PCAT7: variants seen among roughly 807,000 people sequenced by gnomAD.
The protein encoded by PCAT7 is prostate cancer associated transcript 7 (non-protein coding).
intron 2 of PCAT7, among the ~76,000 whole-genome samples, chr9:94,565,732 T>C (rs1827177086): frequency 2.4e-5 from 2 of 85,026 alleles, no homozygotes; most frequent in African/African-American, 8.8e-5. Context: ...TATAGGTAGA[T>C]AGATGATAGA....
intron 2 of PCAT7, among the ~76,000 whole-genome samples, chr9:94,561,928 C>T (rs1048055561): frequency 5.3e-5 from 8 of 152,186 alleles, no homozygotes; most frequent in African/African-American, 1.9e-4. Flanking sequence ...TATTTTCTGA[C>T]TCATTTACGA....
intron 2 of PCAT7, chr9:94,563,322 A>C (rs1455647140): frequency 1.2e-6 from 2 of 1,612,412 alleles, no homozygotes; most frequent in Non-Finnish European, 1.7e-6. Flanking sequence ...ATGCACAGCC[A>C]GTGGACAAGG....
chr9:94,566,786 A>T lies in PCAT7; in HGVS notation n.442-6193A>T, dbSNP rs181301408. On this transcript the variant is annotated intron_variant and non_coding_transcript_variant, in intron 2 of 8. Transcript: ENST00000647389. ...ATTACAGATGGATTAAAGGGTTGGT[A>T]TGAAGCCTTACAAAAGCATCTGAAC... Among the ~76,000 whole-genome samples the T allele has an allele frequency of 3.9e-5, 6 of 152,354 alleles. No homozygotes were observed. The East Asian group carries it at 1.2e-3, about 29-fold the overall frequency.
chr9:94,571,519 A>G lies in PCAT7; in HGVS notation n.442-1460A>G, dbSNP rs41281156. The G allele has an allele frequency of 7.3e-4, 1,186 of 1,614,002 alleles. 4 individuals carry two copies. The highest frequency in any genetic ancestry group is 1.4e-3 in the South Asian group (125 of 91,038). ...CTGTGGAGAGAGCCACCAGGGTTGC[A>G]CTACCGTACAGCGCATAACCTGCGG... On this transcript the variant is annotated intron_variant and non_coding_transcript_variant, in intron 2 of 8. Coordinates refer to ENST00000647389, the Ensembl canonical transcript of PCAT7.
chr9:94,564,435 A>G (rs1827156146), intron 2 of PCAT7, among the ~76,000 whole-genome samples: 1 of 152,246 alleles, frequency 6.6e-6, no homozygotes, highest in Non-Finnish European at 1.5e-5. Flanking sequence ...GGTAGACTGG[A>G]TAAAGAAATG....
intron 3 of PCAT7, among the ~76,000 whole-genome samples, chr9:94,573,857 C>T (rs1350849309): frequency 6.6e-6 from 1 of 152,092 alleles, no homozygotes; most frequent in Admixed American, 6.5e-5. Context: ...GGAAGTGTTC[C>T]TTCCTATTAT....
chr9:94,555,334 GGATA>G lies in PCAT7; in HGVS notation n.257+31_257+34del, dbSNP rs1176428891. The G allele has an allele frequency of 2.6e-5, 4 of 152,088 alleles. 1 individual carries two copies. The highest frequency in any genetic ancestry group is 4.4e-5 in the Non-Finnish European group (3 of 68,026). 9.4% of individuals were successfully genotyped at this position (152,088 alleles called of 1,614,324 possible). A position where few individuals can be genotyped will look rare whatever the true frequency, so the allele number is the denominator to read the frequency against. On this transcript the variant is annotated intron_variant and non_coding_transcript_variant, in intron 1 of 8. Coordinates refer to ENST00000647389, the Ensembl canonical transcript of PCAT7. ...GGGTAGGAAGAAGAAGATAGTTTTGGGATAGATAGAGGTGGGTAAAGAGTGTGGT... is the reference window on the plus strand; with the variant it reads ...GGGTAGGAAGAAGAAGATAGTTTTGGGATAGAGGTGGGTAAAGAGTGTGGT...
At chr9:94,558,952 G>T (rs1827050625) in intron 1 of PCAT7, 1 of 1,613,962 alleles carries the variant, frequency 6.2e-7, no homozygotes, top group East Asian at 2.2e-5. Flanking sequence ...CTGCCTGCCT[G>T]ATTTTTCTGC....
chr9:94,567,130 A>G (rs1443116704), intron 2 of PCAT7: 32 of 726,798 alleles, frequency 4.4e-5, no homozygotes, highest in Non-Finnish European at 6.4e-5. Flanking sequence ...GAAGAAAGGC[A>G]GAGTCCATCA....
chr9:94,571,487 C>T, intron 2 of PCAT7: 1 of 1,613,510 alleles, frequency 6.2e-7, no homozygotes, highest in East Asian at 2.2e-5. Context: ...GAGGTCCACG[C>T]CTTGCCCTGT....
intron 2 of PCAT7, among the ~76,000 whole-genome samples, chr9:94,563,769 C>T (rs1207639381): frequency 6.6e-6 from 1 of 152,096 alleles, no homozygotes. Context: ...ACATGCAGTG[C>T]CACCTATAGG....
chr9:94,559,218 T>G, intron 2 of PCAT7: 252 of 1,216,216 alleles, frequency 2.1e-4, no homozygotes, highest in Non-Finnish European at 2.7e-4. Context: ...GAGGAGTTTG[T>G]ACTGCGGTGC....
chr9:94,566,030 C>T (rs1021335615), intron 2 of PCAT7, among the ~76,000 whole-genome samples: 1 of 152,184 alleles, frequency 6.6e-6, no homozygotes, highest in Non-Finnish European at 1.5e-5. Context: ...GAAAGTTCAC[C>T]GTAGAGTTCT....
chr9:94,563,293 C>T (rs772758531), intron 2 of PCAT7: 1 of 1,592,738 alleles, frequency 6.3e-7, no homozygotes, highest in Non-Finnish European at 8.6e-7. Context: ...GGAGGGAGCT[C>T]CCCCACCTCC....
At chr9:94,558,767 A>C in intron 1 of PCAT7, 2 of 625,384 alleles carry the variant, frequency 3.2e-6, no homozygotes, top group Middle Eastern at 3.5e-4. Context: ...TGACCATAGA[A>C]TCGCCTGTGG....
rs1564177654 is a variant in PCAT7, at chr9:94,558,927, G to T, written n.258-42G>T. 2.5e-6 allele frequency: 4 copies of T among 1,613,498 alleles called. No homozygotes were observed. The South Asian group carries it at 4.4e-5, about 18-fold the overall frequency. ...AAGACAAACAGAAGAGGGCATGTGG[G>T]GTCAAACTCGCTAGCTGCCTGCCTG... On this transcript the variant is annotated intron_variant and non_coding_transcript_variant, in intron 1 of 8. Coordinates refer to ENST00000647389, the Ensembl canonical transcript of PCAT7.
intron 3 of PCAT7, among the ~76,000 whole-genome samples, chr9:94,574,299 T>A (rs1358457660): frequency 6.6e-6 from 1 of 152,134 alleles, no homozygotes; most frequent in Admixed American, 6.5e-5. Context: ...AATAAGAGAG[T>A]TCATTTTAAT....
chr9:94,564,379 T>C (rs1450037811), intron 2 of PCAT7, among the ~76,000 whole-genome samples: 1 of 152,208 alleles, frequency 6.6e-6, no homozygotes, highest in Non-Finnish European at 1.5e-5. Flanking sequence ...ACTGCAACAC[T>C]ATTCACAATA....
rs557976336 is a variant in PCAT7, at chr9:94,563,413, C to T, written n.441+4261C>T. ...CCATAGACCAGGGTGCGGTGCACGT[C>T]AGCCACCATGGAGCCCACATACCTG... On this transcript the variant is annotated intron_variant and non_coding_transcript_variant, in intron 2 of 8. Coordinates refer to ENST00000647389, the Ensembl canonical transcript of PCAT7. The T allele has an allele frequency of 8.9e-5, 143 of 1,614,060 alleles. No homozygotes were observed. The South Asian group carries it at 1.4e-3, about 16-fold the overall frequency.
Sources: gnomAD v4.1 joint callset for allele counts (sites outside exome capture counted in the v4.1 genomes callset) on GRCh38, gnomAD v4.1.1 for gene constraint, MANE v1.5 for transcripts, NCBI Gene and HGNC (gene_info 2026-07-23, HGNC 2026-07-21) for gene names.